LNX1: variants seen among roughly 807,000 people sequenced by gnomAD.
LNX1 encodes E3 ubiquitin-protein ligase LNX.
A neutral mutation model predicts 68.4 loss-of-function variants in LNX1; 54 were observed. That is an observed-to-expected ratio of 0.79 (90% CI 0.63 to 0.99). The LOEUF is 0.99. Among genes scored for constraint, LNX1 ranks in the 50% least tolerant of loss-of-function variants. The pLI, the probability that LNX1 is intolerant of heterozygous loss-of-function variation, is 0.00. For missense variants in LNX1, 906 were observed against 926.4 expected, an observed-to-expected ratio of 0.98 and a Z score of 0.29; for synonymous variants, 336 against 350.0, an observed-to-expected ratio of 0.96 and a Z score of 0.45.
chr4:53,559,694 C>T (rs1403986614), intron 2 of LNX1, among the ~76,000 whole-genome samples: 2 of 151,864 alleles, frequency 1.3e-5, no homozygotes, highest in Non-Finnish European at 2.9e-5. Context: ...GTCACCCAGG[C>T]TGTAGTGCTG....
intron 2 of LNX1, among the ~76,000 whole-genome samples, chr4:53,611,179 T>C (rs1442234368): frequency 6.6e-6 from 1 of 151,586 alleles, no homozygotes; most frequent in Non-Finnish European, 1.5e-5. Flanking sequence ...CAGGCAAAAA[T>C]ACCATTAGCT....
chr4:53,515,508 C>T (rs919281976), intron 2 of LNX1, among the ~76,000 whole-genome samples: 3 of 146,910 alleles, frequency 2.0e-5, no homozygotes, highest in African/African-American at 7.7e-5. Context: ...CAATTTAAGG[C>T]CCCCACCCCA....
intron 9 of LNX1, among the ~76,000 whole-genome samples, chr4:53,474,529 A>T (rs1723437125): frequency 6.6e-6 from 1 of 152,234 alleles, no homozygotes; most frequent in Admixed American, 6.5e-5. Flanking sequence ...CAAGAAATTG[A>T]TAATGGTGAT....
intron 2 of LNX1, among the ~76,000 whole-genome samples, chr4:53,550,717 A>G (rs1329267778): frequency 2.1e-5 from 3 of 141,690 alleles, no homozygotes; most frequent in Non-Finnish European, 4.7e-5. Flanking sequence ...CATTAGTATA[A>G]AGCTTTTTTA....
intron 1 of LNX1, chr4:53,575,596 GA>G: frequency 7.8e-7 from 1 of 1,288,862 alleles, no homozygotes; most frequent in Non-Finnish European, 9.8e-7. Context: ...TGGTGATTAA[GA>G]ATCCCACCTT....
At chr4:53,546,410 T>A (rs1729123239) in intron 2 of LNX1, among the ~76,000 whole-genome samples, 1 of 152,200 alleles carries the variant, frequency 6.6e-6, no homozygotes, top group Non-Finnish European at 1.5e-5. Context: ...CTGTGTCACC[T>A]CTATGTCATT....
chr4:53,598,697 T>A (rs1026701778), intron 2 of LNX1, among the ~76,000 whole-genome samples: 3 of 152,192 alleles, frequency 2.0e-5, no homozygotes. Context: ...AGGGAAGGAA[T>A]GGAGGAAGGG....
intron 2 of LNX1, among the ~76,000 whole-genome samples, chr4:53,560,192 G>GT (rs1322124415): frequency 6.6e-6 from 1 of 152,162 alleles, no homozygotes; most frequent in Non-Finnish European, 1.5e-5. Context: ...GTAGCATGAT[G>GT]TATTATAAAG....
At chr4:53,468,646 T>C (rs2150565309) in intron 9 of LNX1, among the ~76,000 whole-genome samples, 1 of 151,950 alleles carries the variant, frequency 6.6e-6, no homozygotes, top group South Asian at 2.1e-4. Flanking sequence ...TGGAAGAAGA[T>C]CTACCAAGCA....
chr4:53,539,555 T>A (rs1264416507), intron 2 of LNX1, among the ~76,000 whole-genome samples: 1 of 152,200 alleles, frequency 6.6e-6, no homozygotes, highest in Non-Finnish European at 1.5e-5. Context: ...CTCCTTTAAA[T>A]GACTGTTTGT....
At chr4:53,520,288 C>T (rs994915753) in intron 2 of LNX1, among the ~76,000 whole-genome samples, 5 of 152,198 alleles carry the variant, frequency 3.3e-5, no homozygotes, top group African/African-American at 4.8e-5. Flanking sequence ...AAGACCTGAG[C>T]TGATAGCCTG....
intron 2 of LNX1, among the ~76,000 whole-genome samples, chr4:53,538,474 C>T (rs1013923914): frequency 1.3e-5 from 2 of 152,190 alleles, no homozygotes; most frequent in African/African-American, 4.8e-5. Context: ...ACTAGGACCC[C>T]TGCTTTTTTG....
chr4:53,650,959 T>C lies in LNX1; in HGVS notation c.-215+1209A>G, dbSNP rs961977016. 2.6e-5 allele frequency among the ~76,000 whole-genome samples: 4 copies of C among 152,302 alleles called. No individual in the cohort carries two copies. The East Asian group carries it at 5.8e-4, about 22-fold the overall frequency. On this transcript the variant is annotated intron_variant, in intron 1 of 2. Coordinates refer to the LNX1 transcript ENST00000507168. ...GTTATGCACCAGGAAAGACTTCACA[T>C]GCATAATCTCATTTACAGCTGAAGA...
At chr4:53,591,560 G>A (rs1229811893), upstream of LNX1, 2 of 985,338 alleles carry the variant, frequency 2.0e-6, no homozygotes, top group Non-Finnish European at 1.2e-6. Context: ...CCAGGAAATG[G>A]GTGACATCAC....
At chr4:53,501,299 T>TTTTTGGGGG (rs56165716) in intron 4 of LNX1, among the ~76,000 whole-genome samples, 1 of 38,792 alleles carries the variant, frequency 2.6e-5, no homozygotes, top group Non-Finnish European at 6.9e-5. Context: ...TTTTTTTTTT[T>TTTTTGGGGG]GGGGGTGGGG....
chr4:53,513,460 C>T (rs569648311), intron 2 of LNX1, among the ~76,000 whole-genome samples: 1 of 152,084 alleles, frequency 6.6e-6, no homozygotes, highest in Non-Finnish European at 1.5e-5. Context: ...GATCCCTAGA[C>T]TCATATCAAA....
At position 53,459,459 on chromosome 4, in the gene LNX1, T is replaced by G; in HGVS notation, c.*1448A>C. 1 of 1,613,478 alleles carries G rather than the reference T, an allele frequency of 6.2e-7. No homozygotes were observed. Among genetic ancestry groups the G allele is most frequent in the South Asian group, 1.1e-5 (1 of 91,076 alleles). On this transcript the variant is annotated 3_prime_UTR_variant, in exon 11 of 11. Coordinates refer to ENST00000263925, the MANE Select transcript of LNX1 (RefSeq NM_001126328.3). ...TACACCTGCAGAATAGGCATGGTTT[T>G]GGCCTTTTGTGTATATTAGTACCAG...
chr4:53,460,104 C>CA lies in LNX1; in HGVS notation c.*802dup, dbSNP rs1721588448. On this transcript the variant is annotated 3_prime_UTR_variant, in exon 11 of 11. Coordinates refer to ENST00000263925, the MANE Select transcript of LNX1 (RefSeq NM_001126328.3). ...AGTTTCTAGGAGGCATGTGTACACA[C>CA]ACTCTTCATTGTGGCACAAATTTAA... 5.0e-6 allele frequency: 1 copy of CA among 199,702 alleles called. No homozygotes were observed. The highest frequency in any genetic ancestry group is 6.0e-5 in the Admixed American group (1 of 16,562). 12.4% of individuals were successfully genotyped at this position (199,702 alleles called of 1,614,324 possible). A position where few individuals can be genotyped will look rare whatever the true frequency, so the allele number is the denominator to read the frequency against.
chr4:53,652,448 A>G (rs1577835526), exon 1 of LNX1: 2 of 152,264 alleles, frequency 1.3e-5, no homozygotes, highest in Non-Finnish European at 2.9e-5. Context: ...GCAGAGCAGC[A>G]TGCATTAGCA....
Sources: gnomAD v4.1 joint callset for allele counts (sites outside exome capture counted in the v4.1 genomes callset) on GRCh38, gnomAD v4.1.1 for gene constraint, MANE v1.5 for transcripts, NCBI Gene and HGNC (gene_info 2026-07-23, HGNC 2026-07-21) for gene names.